ZBTB43: variants seen among roughly 807,000 people sequenced by gnomAD.
ZBTB43 encodes the protein zinc finger and BTB domain-containing protein 43.
ZBTB43 carries 6 observed loss-of-function variants against 31.1 expected under a neutral mutation model. The ratio of observed to expected loss-of-function variants is 0.19; its 90% CI spans 0.11 to 0.38. ZBTB43 has a LOEUF of 0.38. Among genes scored for constraint, ZBTB43 ranks in the 10% least tolerant of loss-of-function variants. ZBTB43 has a pLI of 1.00. For synonymous variants in ZBTB43, 212 were observed against 221.7 expected (o/e 0.96, Z 0.39); for missense variants, 379 against 602.1 (o/e 0.63, Z 3.88).
intron 2 of ZBTB43, among the ~76,000 whole-genome samples, chr9:126,828,654 A>AATAATTATTATT (rs1554742744): frequency 2.3e-5 from 3 of 127,742 alleles, no homozygotes; most frequent in African/African-American, 9.4e-5. Flanking sequence ...TAATAATAAT[A>AATAATTATTATT]ATTATTATTA....
intron 2 of ZBTB43, among the ~76,000 whole-genome samples, chr9:126,826,454 CTTTTTT>C (rs35094731): frequency 9.3e-5 from 5 of 53,598 alleles, no homozygotes; most frequent in South Asian, 2.4e-3. Flanking sequence ...GCCCCCCCGC[CTTTTTT>C]TTTTTTTTTT....
chr9:126,812,501 A>C (rs927617520), intron 2 of ZBTB43, among the ~76,000 whole-genome samples: 3 of 152,192 alleles, frequency 2.0e-5, no homozygotes, highest in Non-Finnish European at 4.4e-5. Flanking sequence ...ACTGCTTTCC[A>C]CAGTAGCTGT....
At position 126,835,377 on chromosome 9, in the gene ZBTB43, A is replaced by G. The variant is rs1350427147; in HGVS notation, c.*1464A>G. The G allele has an allele frequency of 1.8e-5, 3 of 167,120 alleles. No individual in the cohort carries two copies. The highest frequency in any genetic ancestry group is 4.4e-5 in the Non-Finnish European group (3 of 68,122). 10.4% of individuals were successfully genotyped at this position (167,120 alleles called of 1,614,324 possible). A position where few individuals can be genotyped will look rare whatever the true frequency, so the allele number is the denominator to read the frequency against. On this transcript the variant is annotated 3_prime_UTR_variant, in exon 3 of 3. Coordinates refer to ENST00000373464, the MANE Select transcript of ZBTB43 (RefSeq NM_014007.4). ...TATCACCAGGGTAGGACAGGGTGCT[A>G]CTACCATGTCATCTTTTCCACAATC...
At chr9:126,819,156 T>C (rs1215711829) in intron 2 of ZBTB43, among the ~76,000 whole-genome samples, 1 of 152,190 alleles carries the variant, frequency 6.6e-6, no homozygotes, top group Non-Finnish European at 1.5e-5. Context: ...CTCAGTCTTG[T>C]TAAGTGTATT....
chr9:126,832,671 T>C lies in ZBTB43; in HGVS notation c.162T>C (p.Ser54=). 6.2e-7 allele frequency: 1 copy of C among 1,614,178 alleles called. No individual in the cohort carries two copies. Among genetic ancestry groups the C allele is most frequent in the Non-Finnish European group, 8.5e-7 (1 of 1,180,048 alleles). ...FRAHKAVLAA[S]SPYFCDQVLL... ...CACACAAAGCCGTTCTTGCTGCCAG[T>C]TCACCCTACTTTTGTGACCAGGTAC... The change falls in exon 3 of 3, where the codon AGT becomes AGC. Residue 54 remains serine, a synonymous_variant. Transcript: ENST00000373464.
chr9:126,808,106 C>T (rs2032167084), intron 1 of ZBTB43, among the ~76,000 whole-genome samples: 2 of 152,108 alleles, frequency 1.3e-5, no homozygotes, highest in African/African-American at 4.8e-5. Flanking sequence ...GCTTCTTATC[C>T]TGAATTCTAA....
intron 2 of ZBTB43, among the ~76,000 whole-genome samples, chr9:126,829,716 A>G (rs1234021937): frequency 6.6e-6 from 1 of 151,526 alleles, no homozygotes; most frequent in African/African-American, 2.4e-5. Context: ...ACACCTTTCT[A>G]TAATTTTTTT....
chr9:126,805,801 T>A (rs1314926134), intron 1 of ZBTB43, among the ~76,000 whole-genome samples: 1 of 152,216 alleles, frequency 6.6e-6, no homozygotes, highest in Non-Finnish European at 1.5e-5. Flanking sequence ...TTTTTGGCCA[T>A]CTGTCTGTTT....
At chr9:126,823,625 A>G (rs556682447) in intron 2 of ZBTB43, among the ~76,000 whole-genome samples, 3 of 152,200 alleles carry the variant, frequency 2.0e-5, no homozygotes, top group South Asian at 4.1e-4. Context: ...CAATTTAGCT[A>G]TTTGTTTTCT....
chr9:126,824,911 C>T lies in ZBTB43; in HGVS notation c.-23-7576C>T, dbSNP rs572892254. ...TCCCATGATATGTATGATGGTGTCC[C>T]ACAGGCACCTCAGGTTGTATTCATT... On this transcript the variant is annotated intron_variant, in intron 2 of 2. Coordinates refer to ENST00000373464, the MANE Select transcript of ZBTB43 (RefSeq NM_014007.4). Among the ~76,000 whole-genome samples the T allele has an allele frequency of 4.6e-5, 7 of 152,226 alleles. 2 individuals are homozygous for T. In the South Asian group the frequency reaches 1.5e-3, roughly 32 times the overall value.
chr9:126,807,461 T>C (rs926423615), intron 1 of ZBTB43, among the ~76,000 whole-genome samples: 8 of 152,192 alleles, frequency 5.3e-5, no homozygotes, highest in African/African-American at 1.9e-4. Context: ...ATCAAGAACA[T>C]TGATGAGGAC....
chr9:126,814,521 C>T (rs1055187014), intron 2 of ZBTB43, among the ~76,000 whole-genome samples: 8 of 151,652 alleles, frequency 5.3e-5, no homozygotes, highest in East Asian at 2.0e-4. Flanking sequence ...GGGCCGGGCG[C>T]GGTGGCTTAC....
chr9:126,825,198 C>A (rs1292223273), intron 2 of ZBTB43, among the ~76,000 whole-genome samples: 2 of 152,198 alleles, frequency 1.3e-5, no homozygotes, highest in Non-Finnish European at 2.9e-5. Flanking sequence ...ACCTCAGCCT[C>A]CCAGAGTGCT....
rs2032796883 is a variant in ZBTB43, at chr9:126,833,057, A to T, written c.548A>T (p.Asp183Val). Residue 183 changes from aspartate to valine, a missense_variant, in exon 3 of 3, where the codon GAC (aspartate) becomes GTC (valine). By Grantham distance (152) the Asp-to-Val change is radical. Transcript: ENST00000373464. This position sits in a 1 kb window ranked among gnomAD's most constrained non-coding sequence, Gnocchi z 7.9. ...DGENEEESTK[D>V]ELSSQLTEHE... ...GAAAATGAAGAGGAGAGCACCAAAG[A>T]CGAGCTGTCATCCCAGCTCACCGAG... is the stretch of plus-strand genomic sequence containing the variant. 6.2e-7 allele frequency: 1 copy of T among 1,614,024 alleles called. No homozygotes were observed.
Position 126,834,785 on chromosome 9 carries a change from A to G in ZBTB43, c.*872A>G, listed in dbSNP as rs562635006. 6.0e-6 allele frequency: 1 copy of G among 167,178 alleles called. No individual in the cohort carries two copies. The highest frequency in any genetic ancestry group is 1.9e-4 in the East Asian group (1 of 5,190). The allele number at this position is 167,178 out of a possible 1,614,324, so 10.4% of individuals were successfully genotyped here. ...AGACACCAAGCTGCTGTGACTGACC[A>G]CGGTACCACGGGCTGCCACAGCCCC... On this transcript the variant is annotated 3_prime_UTR_variant, in exon 3 of 3. Coordinates refer to ENST00000373464, the MANE Select transcript of ZBTB43 (RefSeq NM_014007.4).
intron 1 of ZBTB43, among the ~76,000 whole-genome samples, chr9:126,807,305 C>T (rs953657493): frequency 1.3e-5 from 2 of 150,290 alleles, no homozygotes; most frequent in African/African-American, 4.8e-5. Flanking sequence ...GGTATCAATG[C>T]CTATTCTAAT....
chr9:126,820,220 T>C (rs114651657), intron 2 of ZBTB43, among the ~76,000 whole-genome samples: 2,578 of 152,278 alleles, frequency 0.017, 72 homozygotes, highest in African/African-American at 0.058. Context: ...AAGCCTTCTA[T>C]TGGAAGGAGA....
chr9:126,810,647 T>C (rs1425653547), intron 2 of ZBTB43, among the ~76,000 whole-genome samples: 1 of 151,698 alleles, frequency 6.6e-6, no homozygotes, highest in Non-Finnish European at 1.5e-5. Flanking sequence ...ACTACAGGCA[T>C]GGGCCACCAT....
At chr9:126,806,369 C>T (rs1216161608) in intron 1 of ZBTB43, among the ~76,000 whole-genome samples, 1 of 152,142 alleles carries the variant, frequency 6.6e-6, no homozygotes, top group Non-Finnish European at 1.5e-5. Context: ...AAAAGCACCA[C>T]GGGAGAAATA....
Sources: gnomAD v4.1 joint callset for allele counts (sites outside exome capture counted in the v4.1 genomes callset) on GRCh38, gnomAD v4.1.1 for gene constraint, Gnocchi (gnomAD v3.1) non-coding constraint, MANE v1.5 for transcripts, NCBI Gene and HGNC (gene_info 2026-07-23, HGNC 2026-07-21) for gene names.